Variants in CFAP61 observed in about 807,000 individuals in gnomAD.
CFAP61 encodes cilia and flagella associated protein 61.
A neutral mutation model predicts 135.6 loss-of-function variants in CFAP61; 107 were observed. The ratio of observed to expected loss-of-function variants is 0.79; its 90% confidence interval spans 0.67 to 0.93. The LOEUF is 0.93. Ranked by LOEUF, CFAP61 falls within the 40% of genes least tolerant of loss-of-function variation. The pLI, the probability that CFAP61 is intolerant of heterozygous loss-of-function variation, is 0.00. For missense variants in CFAP61, 1,507 were observed against 1,556.2 expected (o/e 0.97, Z 0.53); for synonymous variants, 575 against 578.5 (o/e 0.99, Z 0.09).
At chr20:20,114,186 C>T (rs2048984696) in intron 8 of CFAP61, among the ~76,000 whole-genome samples, 1 of 152,122 alleles carries the variant, frequency 6.6e-6, no homozygotes, top group Admixed American at 6.6e-5. Context: ...GGGAGGATCA[C>T]CTAACCCTGG....
chr20:20,084,110 A>G (rs2046625780), intron 6 of CFAP61, among the ~76,000 whole-genome samples: 1 of 152,178 alleles, frequency 6.6e-6, no homozygotes, highest in Non-Finnish European at 1.5e-5. Context: ...CCATGTTGAG[A>G]TGGTGTTCAT....
chr20:20,194,597 T>C (rs2056156151), intron 15 of CFAP61, among the ~76,000 whole-genome samples: 1 of 152,210 alleles, frequency 6.6e-6, no homozygotes, highest in Admixed American at 6.5e-5. Context: ...GAGTGAAAGA[T>C]TAAATGATCA....
chr20:20,121,294 A>C (rs2049608502), intron 8 of CFAP61, among the ~76,000 whole-genome samples: 1 of 150,764 alleles, frequency 6.6e-6, no homozygotes, highest in Non-Finnish European at 1.5e-5. Context: ...TTTTTAGTAG[A>C]GATGGGGTTT....
At chr20:20,212,224 G>A (rs1472040788) in intron 17 of CFAP61, among the ~76,000 whole-genome samples, 1 of 152,044 alleles carries the variant, frequency 6.6e-6, no homozygotes, top group Non-Finnish European at 1.5e-5. Context: ...AGTTCACAGA[G>A]CCCAAATTCC....
chr20:20,213,329 C>T (rs1382041669), intron 17 of CFAP61, among the ~76,000 whole-genome samples: 2 of 152,166 alleles, frequency 1.3e-5, no homozygotes, highest in African/African-American at 4.8e-5. Context: ...TTAACCTTGT[C>T]CAGCTTGTGA....
At chr20:20,096,351 G>C (rs2047568641) in intron 7 of CFAP61, among the ~76,000 whole-genome samples, 1 of 152,150 alleles carries the variant, frequency 6.6e-6, no homozygotes, top group Non-Finnish European at 1.5e-5. Flanking sequence ...TGAATGATGG[G>C]AATATAACAG....
intron 13 of CFAP61, among the ~76,000 whole-genome samples, chr20:20,173,742 T>G (rs2054398421): frequency 6.6e-6 from 1 of 152,064 alleles, no homozygotes; most frequent in African/African-American, 2.4e-5. Context: ...TACTTTATAC[T>G]CCGCATTCCT....
rs537598362 is a variant in CFAP61 at position 20,273,720 on chromosome 20, A to G, written c.2504-3446A>G. ...TGGGTAGGGCAAACATGGACCTTACAGTCCAAACAAGTCATCTCGCTGCGA... is the reference window on the plus strand; with the variant it reads ...TGGGTAGGGCAAACATGGACCTTACGGTCCAAACAAGTCATCTCGCTGCGA... On this transcript the variant is annotated intron_variant, in intron 21 of 26. Transcript: ENST00000245957. Among the ~76,000 whole-genome samples the G allele has an allele frequency of 2.6e-5, 4 of 152,356 alleles. No homozygotes were observed. The South Asian group carries it at 8.3e-4, about 32-fold the overall frequency.
chr20:20,079,444 CCTTTTTGCTGGAGAAAGTCA>C (rs1355190299), intron 6 of CFAP61, among the ~76,000 whole-genome samples: 6 of 150,982 alleles, frequency 4.0e-5, no homozygotes, highest in Non-Finnish European at 7.4e-5. Context: ...TTTTTTTTTT[CCTTTTTGCTGGAGAAAGTCA>C]CTGCTCTTCA....
At position 20,309,297 on chromosome 20, in the gene CFAP61, T is replaced by A. The variant is rs531526100; in HGVS notation, c.3422+10911T>A. On this transcript the variant is annotated intron_variant, in intron 25 of 26. Coordinates refer to ENST00000245957, the MANE Select transcript of CFAP61 (RefSeq NM_015585.4). ...GCAGAAAAATATTTCAAAAGCCGAG[T>A]AGAATATAAAATCTATACCTAATCC... Among the ~76,000 whole-genome samples, 3 of 152,148 alleles carry A rather than the reference T, an allele frequency of 2.0e-5. No homozygotes were observed. The East Asian group carries it at 5.8e-4, about 29-fold the overall frequency.
chr20:20,336,924 G>A (rs1388621541), intron 25 of CFAP61, among the ~76,000 whole-genome samples: 1 of 152,216 alleles, frequency 6.6e-6, no homozygotes, highest in East Asian at 1.9e-4. Flanking sequence ...CATTTCTGGG[G>A]GCAGGGGCTT....
chr20:20,214,934 A>G (rs1006044242), intron 17 of CFAP61: 11 of 152,306 alleles, frequency 7.2e-5, no homozygotes, highest in Admixed American at 3.9e-4. Flanking sequence ...CAGACTCATA[A>G]AACTACAGGG....
chr20:20,084,641 T>C (rs1434305492), intron 6 of CFAP61, among the ~76,000 whole-genome samples: 1 of 152,160 alleles, frequency 6.6e-6, no homozygotes, highest in Non-Finnish European at 1.5e-5. Context: ...CAGAGACCCA[T>C]CAGGCTGCGA....
At chr20:20,137,424 T>C (rs1222868378) in intron 8 of CFAP61, among the ~76,000 whole-genome samples, 1 of 152,132 alleles carries the variant, frequency 6.6e-6, no homozygotes, top group Non-Finnish European at 1.5e-5. Flanking sequence ...TATCTGGTGC[T>C]CTGTTCTACT....
intron 8 of CFAP61, among the ~76,000 whole-genome samples, chr20:20,139,614 C>T (rs1377092754): frequency 6.6e-6 from 1 of 152,178 alleles, no homozygotes; most frequent in Non-Finnish European, 1.5e-5. Flanking sequence ...AATTAAACCT[C>T]GCAAGACCCC....
At chr20:20,070,725 C>G in intron 2 of CFAP61, 129 bp from the exon 3 acceptor site, 1 of 770,100 alleles carries the variant, frequency 1.3e-6, no homozygotes, top group Non-Finnish European at 2.1e-6. Flanking sequence ...TCATTCTCAC[C>G]TTTTCCAAAG....
intron 25 of CFAP61, among the ~76,000 whole-genome samples, chr20:20,320,030 G>A (rs1030592286): frequency 2.0e-4 from 30 of 151,974 alleles, no homozygotes; most frequent in African/African-American, 7.0e-4. Context: ...TGTAAAACAT[G>A]TAAAACACAG....
intron 13 of CFAP61, chr20:20,184,577 C>G (rs1044103712): frequency 3.3e-4 from 51 of 152,286 alleles, no homozygotes; most frequent in African/African-American, 1.1e-3. Flanking sequence ...TCAGCAAAGA[C>G]TCAATGTTGA....
intron 18 of CFAP61, among the ~76,000 whole-genome samples, chr20:20,242,459 T>C (rs905548194): frequency 6.6e-6 from 1 of 152,244 alleles, no homozygotes; most frequent in East Asian, 1.9e-4. Context: ...AGGTGCACTT[T>C]ACCTGTAGGA....
Sources: allele counts gnomAD v4.1 joint callset (sites outside exome capture counted in the v4.1 genomes callset), GRCh38; gene constraint gnomAD v4.1.1; transcripts MANE v1.5; gene names NCBI Gene and HGNC (gene_info 2026-07-23, HGNC 2026-07-21).